PTPRD: variants seen among roughly 807,000 people sequenced by gnomAD.
The protein encoded by PTPRD is receptor-type tyrosine-protein phosphatase delta.
PTPRD carries 34 observed loss-of-function variants against 214.5 expected under a neutral mutation model. The observed-to-expected ratio is 0.16, with a 90% confidence interval of 0.12 to 0.21. The LOEUF is 0.21. PTPRD is among the 10% of genes least tolerant of loss of function. The pLI, the probability that PTPRD is intolerant of heterozygous loss-of-function variation, is 1.00. For synonymous variants in PTPRD, 1,128 were observed against 845.7 expected (o/e 1.33, Z -5.79); for missense variants, 2,545 against 2,398.7 (o/e 1.06, Z -1.27).
intron 2 of PTPRD, among the ~76,000 whole-genome samples, chr9:10,469,585 T>A (rs1461074677): frequency 1.3e-5 from 2 of 152,116 alleles, no homozygotes; most frequent in Admixed American, 6.6e-5. Context: ...ATAGCCATTA[T>A]GAAAAACAGT....
At chr9:9,433,720 C>T (rs906884837) in intron 8 of PTPRD, among the ~76,000 whole-genome samples, 2 of 152,112 alleles carry the variant, frequency 1.3e-5, no homozygotes, top group African/African-American at 4.8e-5. Flanking sequence ...ATTATTACTG[C>T]ATACATATTT....
intron 10 of PTPRD, among the ~76,000 whole-genome samples, chr9:9,065,905 C>T (rs2099729938): frequency 6.6e-6 from 1 of 152,106 alleles, no homozygotes; most frequent in African/African-American, 2.4e-5. Flanking sequence ...GGTTTAAATA[C>T]AGTGCCTAAT....
chr9:8,437,299 G>T (rs1452746747), intron 34 of PTPRD: 2 of 1,187,114 alleles, frequency 1.7e-6, no homozygotes, highest in South Asian at 1.6e-5. Flanking sequence ...AAAAAAAAAT[G>T]AAATGGAAAG....
intron 4 of PTPRD, among the ~76,000 whole-genome samples, chr9:9,948,764 C>A (rs1287844322): frequency 6.6e-6 from 1 of 151,846 alleles, no homozygotes; most frequent in Non-Finnish European, 1.5e-5. Flanking sequence ...ATTAGCCTAA[C>A]CCAATAAATA....
chr9:10,239,436 T>C (rs1206947692), intron 3 of PTPRD, among the ~76,000 whole-genome samples: 1 of 151,944 alleles, frequency 6.6e-6, no homozygotes, highest in Non-Finnish European at 1.5e-5. Flanking sequence ...TAAAAGAAAT[T>C]TAACTATTTC....
intron 3 of PTPRD, among the ~76,000 whole-genome samples, chr9:10,039,941 G>A (rs1482594366): frequency 6.6e-6 from 1 of 151,932 alleles, no homozygotes; most frequent in Non-Finnish European, 1.5e-5. Flanking sequence ...AATTTCTAAG[G>A]AAAATATTCA....
At chr9:10,061,113 G>T (rs758785072) in intron 3 of PTPRD, among the ~76,000 whole-genome samples, 1 of 151,556 alleles carries the variant, frequency 6.6e-6, no homozygotes, top group Non-Finnish European at 1.5e-5. Flanking sequence ...TCAGCCAAGG[G>T]TATGATATAT....
intron 14 of PTPRD, among the ~76,000 whole-genome samples, chr9:8,574,029 G>T (rs2091838470): frequency 6.6e-6 from 1 of 151,752 alleles, no homozygotes; most frequent in Admixed American, 6.6e-5. Context: ...GGGACTTTCT[G>T]GTTCCTCCTC....
intron 7 of PTPRD, among the ~76,000 whole-genome samples, chr9:9,655,588 A>ACCAAACCAAC (rs1465090594): frequency 1.3e-5 from 2 of 151,212 alleles, no homozygotes; most frequent in African/African-American, 4.9e-5. Flanking sequence ...ACCAAACCAA[A>ACCAAACCAAC]CCAAACCAAA....
At chr9:10,231,987 A>AGTGTGTGT (rs1352673296) in intron 3 of PTPRD, among the ~76,000 whole-genome samples, 317 of 97,734 alleles carry the variant, frequency 3.2e-3, no homozygotes, top group Non-Finnish European at 4.2e-3. Context: ...AGAGAGAGAG[A>AGTGTGTGT]GAGTGTGTGT....
At chr9:9,549,286 G>C (rs1359584896) in intron 8 of PTPRD, among the ~76,000 whole-genome samples, 1 of 151,770 alleles carries the variant, frequency 6.6e-6, no homozygotes, top group African/African-American at 2.4e-5. Flanking sequence ...AGACACACAC[G>C]ACAAAGGACT....
intron 9 of PTPRD, among the ~76,000 whole-genome samples, chr9:9,327,875 T>C (rs1049854656): frequency 7.0e-6 from 1 of 142,898 alleles, no homozygotes; most frequent in Non-Finnish European, 1.5e-5. Context: ...ACACATAAAA[T>C]ACACTAACAC....
At chr9:10,505,564 G>C (rs2045632371) in intron 2 of PTPRD, among the ~76,000 whole-genome samples, 1 of 152,016 alleles carries the variant, frequency 6.6e-6, no homozygotes, top group South Asian at 2.1e-4. Flanking sequence ...AAAGTGTTAG[G>C]AAACATCGGA....
At chr9:8,412,752 C>A (rs2093628992) in intron 35 of PTPRD, among the ~76,000 whole-genome samples, 1 of 152,108 alleles carries the variant, frequency 6.6e-6, no homozygotes, top group Non-Finnish European at 1.5e-5. Context: ...GGCAACTGCT[C>A]AATTTAACAA....
intron 4 of PTPRD, among the ~76,000 whole-genome samples, chr9:9,950,023 GTC>G (rs1009825979): frequency 1.6e-4 from 24 of 152,076 alleles, no homozygotes; most frequent in African/African-American, 5.8e-4. Context: ...TTAACATAAA[GTC>G]TCTTAGTTAT....
At chr9:8,440,101 T>A (rs191811789) in intron 34 of PTPRD, among the ~76,000 whole-genome samples, 1 of 151,892 alleles carries the variant, frequency 6.6e-6, no homozygotes, top group African/African-American at 2.4e-5. Flanking sequence ...CATTTATTCC[T>A]TTTTTTCCCA....
At chr9:9,185,109 C>A (rs554258947) in intron 9 of PTPRD, among the ~76,000 whole-genome samples, 2 of 151,934 alleles carry the variant, frequency 1.3e-5, no homozygotes. Flanking sequence ...TTGCTGTAGT[C>A]GTGGTGATTT....
rs201867677 is a variant in PTPRD, at chr9:8,316,762, A to ACAAT, written c.*1108_*1111dup. 2.0e-4 allele frequency: 47 copies of ACAAT among 231,574 alleles called. No homozygotes were observed. Among genetic ancestry groups the ACAAT allele is most frequent in the South Asian group, 9.1e-4 (5 of 5,514 alleles). The allele number at this position is 231,574 out of a possible 1,614,324, so 14.3% of individuals were successfully genotyped here. A position where few individuals can be genotyped will look rare whatever the true frequency, so the allele number is the denominator to read the frequency against. The stretch of plus-strand genomic sequence containing the variant: ...GTAGGAAATCAGGGGGTGAGGTTTG[A>ACAAT]CAATCAATCACTGATGTGCATTCCT... On this transcript the variant is annotated 3_prime_UTR_variant, in exon 46 of 46. Transcript: ENST00000381196.
intron 8 of PTPRD, among the ~76,000 whole-genome samples, chr9:9,537,168 T>G (rs2076694979): frequency 6.6e-6 from 1 of 151,872 alleles, no homozygotes; most frequent in Admixed American, 6.6e-5. Context: ...AGTAAGAAGG[T>G]GGAGGGTTCT....
Sources: gnomAD v4.1 joint callset for allele counts (sites outside exome capture counted in the v4.1 genomes callset) on GRCh38, gnomAD v4.1.1 for gene constraint, MANE v1.5 for transcripts, NCBI Gene and HGNC (gene_info 2026-07-23, HGNC 2026-07-21) for gene names.